The following PARP2 variants were observed in gnomAD, a reference collection of about 807,000 sequenced individuals.
PARP2 encodes poly [ADP-ribose] polymerase 2.
In PARP2, 57 loss-of-function variants were observed where a neutral mutation model predicts 77.8. The observed-to-expected ratio is 0.73, with a 90% CI of 0.59 to 0.91. The LOEUF is 0.91. PARP2 is among the 40% of genes least tolerant of loss of function. PARP2 has a pLI of 0.00. For missense variants in PARP2, 651 were observed against 689.0 expected (o/e 0.94, Z 0.62); for synonymous variants, 226 against 242.6 (o/e 0.93, Z 0.64).
chr14:20,350,950 C>G, intron 5 of PARP2, 97 bp from the exon 6 acceptor site: 1 of 925,546 alleles, frequency 1.1e-6, no homozygotes, highest in Admixed American at 2.2e-5. Context: ...TCCCTTCTCC[C>G]TTTCCTGCCT....
At chr14:20,352,568 T>TTTTTTTTTTTTTGTTAAG (rs10695113) in intron 7 of PARP2, 1 of 293,978 alleles carries the variant, frequency 3.4e-6, no homozygotes, top group Non-Finnish European at 6.2e-6. Context: ...CTTTTTTTTT[T>TTTTTTTTTTTTTGTTAAG]GTAAAGATGA....
intron 4 of PARP2, 137 bp from the exon 5 acceptor site, chr14:20,350,389 G>C (rs1013434455): frequency 3.8e-6 from 2 of 520,642 alleles, no homozygotes; most frequent in Non-Finnish European, 6.9e-6. Context: ...AATCTTACAG[G>C]AATCTAATTT....
intron 1 of PARP2, 95 bp downstream of exon 1, chr14:20,343,782 C>A: frequency 7.5e-7 from 1 of 1,329,500 alleles, no homozygotes; most frequent in Non-Finnish European, 1.1e-6. Context: ...TTCCAGCTCC[C>A]TATAACCTGC....
Position 20,357,752 on chromosome 14 carries a change from G to GCGGTA in PARP2, c.1670_1674dup (p.Leu559GlyfsTer4). Reference sequence around the variant, plus strand: ...TATATAACCCCAACCAGGTCCGTATGCGGTACCTTTTAAAGGTTCAGTTTA... The same window carrying GCGGTA: ...TATATAACCCCAACCAGGTCCGTATGCGGTACGGTACCTTTTAAAGGTTCAGTTTA... On this transcript the variant is annotated frameshift_variant, in exon 16 of 16. Transcript: ENST00000429687. LOFTEE classifies it high-confidence loss of function. The GCGGTA allele has an allele frequency of 6.2e-7, 1 of 1,613,838 alleles. No homozygotes were observed. The highest frequency in any genetic ancestry group is 8.5e-7 in the Non-Finnish European group (1 of 1,179,870).
intron 11 of PARP2, 30 bp from the exon 12 acceptor site, chr14:20,356,277 A>G (rs774156217): frequency 1.1e-5 from 17 of 1,613,122 alleles, no homozygotes; most frequent in Middle Eastern, 1.6e-4. Flanking sequence ...TGTAGAGTCT[A>G]CATCAGCCTT....
intron 5 of PARP2, 77 bp from the exon 6 acceptor site, chr14:20,350,970 A>AT: frequency 9.1e-7 from 1 of 1,102,944 alleles, no homozygotes; most frequent in Non-Finnish European, 1.4e-6. Flanking sequence ...TGTTTGTCAG[A>AT]TGTTAAGCAG....
In PARP2 at chr14:20,356,360, C is replaced by T. The variant is rs1254789086; in HGVS notation, c.1155C>T (p.Thr385=). ...ATGCTCCCACACACAGCGACTATACCATGACCTTGCTGGATTTGTTTGAAG... is the reference window on the plus strand; with the variant it reads ...ATGCTCCCACACACAGCGACTATACTATGACCTTGCTGGATTTGTTTGAAG... ...STHAPTHSDY[T]MTLLDLFEVE... Residue 385 remains threonine, a synonymous_variant, in exon 12 of 16, where the codon ACC becomes ACT. Transcript: ENST00000429687. 1.2e-6 allele frequency: 2 copies of T among 1,614,028 alleles called. No homozygotes were observed. Among genetic ancestry groups the T allele is most frequent in the Admixed American group, 1.7e-5 (1 of 60,008 alleles).
intron 14 of PARP2, 75 bp from the exon 15 acceptor site, chr14:20,357,321 G>T: frequency 6.6e-7 from 1 of 1,517,606 alleles, no homozygotes; most frequent in South Asian, 1.2e-5. Flanking sequence ...AAGTACTGAT[G>T]GGATTTTCTG....
chr14:20,356,227 A>G (rs1884143678), intron 11 of PARP2, 80 bp from the exon 12 acceptor site: 3 of 1,483,288 alleles, frequency 2.0e-6, no homozygotes, highest in Non-Finnish European at 2.8e-6. Flanking sequence ...CTGCCAAGTT[A>G]TATCAGAATC....
chr14:20,356,806 C>T, intron 13 of PARP2, 117 bp downstream of exon 13: 1 of 807,022 alleles, frequency 1.2e-6, no homozygotes, highest in South Asian at 1.5e-5. Context: ...TAAGCCAGCT[C>T]ACTGATAACC....
In PARP2 at chr14:20,345,058, A is replaced by C; in HGVS notation, c.173A>C (p.Asn58Thr). Residue 58 changes from asparagine to threonine, a missense_variant, in exon 2 of 16, where the codon AAT becomes ACT. Physicochemically the swap from Asn to Thr is moderately conservative, Grantham distance 65. Transcript: ENST00000429687. Reference protein sequence around the residue: ...KKMPVAGGKANKDRTEDKQDE... With the variant: ...KKMPVAGGKATKDRTEDKQDE... ...ATGCCTGTGGCTGGAGGAAAAGCTA[A>C]TAAGGACAGGACAGAAGACAAGCAA... 2.5e-6 allele frequency: 4 copies of C among 1,614,192 alleles called. No individual in the cohort carries two copies. Among genetic ancestry groups the C allele is most frequent in the Non-Finnish European group, 3.4e-6 (4 of 1,180,006 alleles).
At chr14:20,354,444 C>A (rs998319570) in intron 8 of PARP2, among the ~76,000 whole-genome samples, 197 bp downstream of exon 8, 4 of 152,202 alleles carry the variant, frequency 2.6e-5, no homozygotes, top group Non-Finnish European at 5.9e-5. Flanking sequence ...TGCCTATAAT[C>A]CCAACACTTT....
chr14:20,345,245 A>T, intron 2 of PARP2, 149 bp from the exon 3 acceptor site: 1 of 1,027,520 alleles, frequency 9.7e-7, no homozygotes, highest in Non-Finnish European at 1.5e-6. Flanking sequence ...ACTGCCTTGA[A>T]TCTTCATTTT....
intron 4 of PARP2, 25 bp from the exon 5 acceptor site, chr14:20,350,501 T>C (rs752216878): frequency 7.6e-7 from 1 of 1,314,656 alleles, no homozygotes; most frequent in Non-Finnish European, 1.1e-6. Context: ...CTCCTTTTTT[T>C]TGTTTTTGTT....
Position 20,357,489 on chromosome 14 carries a change from A to G in PARP2, c.1522A>G (p.Met508Val). ...ACATAGCACCAAGGGGCTGGGCAAG[A>G]TGGCTCCCAGTTCTGCCCACTTCGT... ...GKHSTKGLGKMAPSSAHFVTL... is the reference protein window; with the variant it reads ...GKHSTKGLGKVAPSSAHFVTL... Residue 508 changes from methionine (M) to valine (V), a missense_variant, in exon 15 of 16, where the codon ATG (methionine) becomes GTG (valine). Met to Val is a conservative substitution (Grantham distance 21, BLOSUM62 1). Transcript: ENST00000429687. 6.2e-6 allele frequency: 10 copies of G among 1,613,602 alleles called. No individual in the cohort carries two copies. The highest frequency in any genetic ancestry group is 8.5e-6 in the Non-Finnish European group (10 of 1,179,838).
At chr14:20,352,500 A>T in intron 7 of PARP2, 153 bp downstream of exon 7, 2 of 516,044 alleles carry the variant, frequency 3.9e-6, no homozygotes. Context: ...CTCCCACCTC[A>T]GCCTCCTCAG....
At position 20,354,120 on chromosome 14, in the gene PARP2, A is replaced by G; in HGVS notation, c.636A>G (p.Lys212=). 1.2e-6 allele frequency: 2 copies of G among 1,613,530 alleles called. No homozygotes were observed. The highest frequency in any genetic ancestry group is 1.1e-5 in the South Asian group (1 of 91,064). The stretch of plus-strand genomic sequence containing the variant: ...AAACAAAGAAAGAGGAATCTCTTAA[A>G]TCTCCCTTGAAGCCAGAGTCACAGC... ...EEETKKEESL[K]SPLKPESQLD... is the part of the protein sequence containing the mutation. The change falls in exon 8 of 16, where the codon AAA becomes AAG. Residue 212 remains lysine (K), a synonymous_variant. Transcript: ENST00000429687.
chr14:20,351,664 A>G (rs955930331), intron 6 of PARP2, among the ~76,000 whole-genome samples: 17 of 152,226 alleles, frequency 1.1e-4, no homozygotes, highest in Admixed American at 4.6e-4. Flanking sequence ...AATATATTTA[A>G]CACATGACTG....
intron 12 of PARP2, 42 bp downstream of exon 12, chr14:20,356,476 G>A (rs373349451): frequency 4.6e-5 from 75 of 1,613,484 alleles, no homozygotes; most frequent in East Asian, 2.0e-4. Context: ...CTCCTTGCCC[G>A]AAAGTACAGC....
Sources: gnomAD v4.1 joint callset for allele counts (sites outside exome capture counted in the v4.1 genomes callset) on GRCh38, gnomAD v4.1.1 for gene constraint, MANE v1.5 for transcripts, NCBI Gene and HGNC (gene_info 2026-07-23, HGNC 2026-07-21) for gene names.